Variants in FAM53A observed in about 807,000 individuals in gnomAD.
FAM53A encodes the protein protein FAM53A.
FAM53A carries 28 observed loss-of-function variants against 26.6 expected under a neutral mutation model. The ratio of observed to expected loss-of-function variants is 1.05; its 90% CI spans 0.78 to 1.45. The LOEUF is 1.45. Among genes scored for constraint, FAM53A ranks in the 40% most tolerant of loss-of-function variants. The probability of loss-of-function intolerance (pLI) is 0.00; values close to 1 mark genes in which losing one functional copy is unlikely to be tolerated. For missense variants in FAM53A, 650 were observed against 575.8 expected (o/e 1.13, Z -1.32); for synonymous variants, 290 against 253.1 (o/e 1.15, Z -1.38).
the FAM53A span, chr4:1,574,555 G>C: frequency 1.3e-5 from 2 of 152,406 alleles, no homozygotes; most frequent in Non-Finnish European, 2.9e-5. Context: ...CTGTGAGGAA[G>C]ATTGGAAGAC....
At chr4:1,631,643 G>A (rs1368817729) in intron 1 of FAM53A, among the ~76,000 whole-genome samples, 1 of 152,076 alleles carries the variant, frequency 6.6e-6, no homozygotes, top group African/African-American at 2.4e-5. Context: ...TGGGGAGACT[G>A]AGGCACCCTA....
the FAM53A span, among the ~76,000 whole-genome samples, chr4:1,609,194 T>A: frequency 6.6e-6 from 1 of 152,024 alleles, no homozygotes; most frequent in South Asian, 2.1e-4. Flanking sequence ...CAGGGCTGTC[T>A]CTGCTGCCTG....
intron 2 of FAM53A, among the ~76,000 whole-genome samples, chr4:1,667,267 C>T (rs28478377): frequency 6.6e-6 from 1 of 151,874 alleles, no homozygotes; most frequent in African/African-American, 2.4e-5. Context: ...CCACTACACT[C>T]CAGCATGGAT....
intron 1 of FAM53A, among the ~76,000 whole-genome samples, chr4:1,628,974 G>A (rs1020152042): frequency 6.6e-6 from 1 of 151,822 alleles, no homozygotes; most frequent in African/African-American, 2.4e-5. Context: ...GGCCCTGTGT[G>A]CCTTAAATCC....
chr4:1,625,635 G>C (rs1463865440), intron 1 of FAM53A, among the ~76,000 whole-genome samples: 1 of 117,776 alleles, frequency 8.5e-6, no homozygotes, highest in East Asian at 2.1e-4. Flanking sequence ...GTCACGCCAG[G>C]TGATCAGAAG....
chr4:1,666,230 T>G (rs113701882), intron 2 of FAM53A, among the ~76,000 whole-genome samples: 1 of 123,466 alleles, frequency 8.1e-6, no homozygotes, highest in Non-Finnish European at 1.6e-5. Flanking sequence ...ACCCCCTGTA[T>G]CTAAAATAAA....
intron 1 of FAM53A, among the ~76,000 whole-genome samples, chr4:1,625,823 C>T (rs1391267387): frequency 6.6e-6 from 1 of 152,086 alleles, no homozygotes; most frequent in African/African-American, 2.4e-5. Flanking sequence ...TGGTCAGGGT[C>T]ACGCCAAGTG....
rs771595305 is a variant in FAM53A at position 1,630,676 on chromosome 4, C to T, written c.432-12565G>A. Among the ~76,000 whole-genome samples, 13 of 152,130 alleles carry T rather than the reference C, an allele frequency of 8.5e-5. No individual in the cohort carries two copies. The highest frequency in any genetic ancestry group is 2.9e-5 in the Non-Finnish European group (2 of 68,018). ...TCGTGGAAGCCAGACAGAAAAGGCC[C>T]GCACAGCATGATCCCACGTCTACGA... On this transcript the variant is annotated intron_variant, in intron 1 of 1. Coordinates refer to the FAM53A transcript ENST00000489029. The surrounding 1 kb of genome is among the most constrained non-coding windows in gnomAD (Gnocchi z 4.3).
downstream of FAM53A, among the ~76,000 whole-genome samples, chr4:1,615,506 CGG>C (rs1714781869): frequency 7.0e-6 from 1 of 141,964 alleles, no homozygotes; most frequent in Non-Finnish European, 1.5e-5. Flanking sequence ...TGGGCACGCA[CGG>C]AAGACAGGAT....
At chr4:1,605,679 C>G in the FAM53A span, among the ~76,000 whole-genome samples, 2,792 of 152,268 alleles carry the variant, frequency 0.018, 46 homozygotes, top group Non-Finnish European at 0.026. The surrounding 1 kb of genome is among the most constrained non-coding windows in gnomAD (Gnocchi z 5.7). Flanking sequence ...GCCGACCCTG[C>G]AGGGTGAGCT....
At chr4:1,634,388 C>T (rs991378280) in intron 1 of FAM53A, among the ~76,000 whole-genome samples, 1 of 152,132 alleles carries the variant, frequency 6.6e-6, no homozygotes, top group Non-Finnish European at 1.5e-5. Flanking sequence ...GGGGCAGAGT[C>T]AGCCCTGAGG....
the FAM53A span, among the ~76,000 whole-genome samples, chr4:1,595,280 C>T: frequency 2.1e-4 from 32 of 152,364 alleles, no homozygotes; most frequent in Middle Eastern, 3.4e-3. Flanking sequence ...AGGAGCCCCA[C>T]CGGCTCCTCT....
chr4:1,605,671 C>T, the FAM53A span, among the ~76,000 whole-genome samples: 4 of 152,274 alleles, frequency 2.6e-5, 1 homozygote, highest in East Asian at 3.9e-4. This position sits in a 1 kb window ranked among gnomAD's most constrained non-coding sequence, Gnocchi z 5.7. Flanking sequence ...GGCTCCCTGC[C>T]GACCCTGCAG....
intron 1 of FAM53A, among the ~76,000 whole-genome samples, chr4:1,672,377 C>T (rs1031179591): frequency 1.3e-5 from 2 of 151,166 alleles, no homozygotes; most frequent in African/African-American, 4.9e-5. Flanking sequence ...CCCACGAACC[C>T]ACGAACCCAG....
intron 1 of FAM53A, among the ~76,000 whole-genome samples, chr4:1,624,460 T>A (rs1374544485): frequency 3.3e-5 from 5 of 151,980 alleles, no homozygotes; most frequent in Non-Finnish European, 7.4e-5. Flanking sequence ...TGACGGGTCA[T>A]CCAGGAGTGA....
chr4:1,631,247 C>A (rs1399789652), intron 1 of FAM53A, among the ~76,000 whole-genome samples: 2 of 152,288 alleles, frequency 1.3e-5, no homozygotes, highest in East Asian at 3.9e-4. Context: ...CAGCCTTTTG[C>A]CCCGGGAGCT....
At position 1,673,326 on chromosome 4, in the gene FAM53A, G is replaced by T. The variant is rs545387045; in HGVS notation, c.-164-4421C>A. On this transcript the variant is annotated intron_variant, in intron 1 of 4. Coordinates refer to ENST00000308132, the MANE Select transcript of FAM53A (RefSeq NM_001174070.3). ...CCACACTGATGCCACACTCCTGGCT[G>T]TGACTACTGCCTGTGGTCACGTGTG... Among the ~76,000 whole-genome samples, 6 of 152,350 alleles carry T rather than the reference G, an allele frequency of 3.9e-5. No individual in the cohort carries two copies. In the South Asian group the frequency reaches 8.3e-4, roughly 21 times the overall value.
In FAM53A at chr4:1,630,596, C is replaced by G. The variant is rs932365403; in HGVS notation, c.432-12485G>C. ...CACACCTGAGGCAGGCTCAGCAATT[C>G]CCCTCAGCCTCACCGCCACTCCCAA... On this transcript the variant is annotated intron_variant, in intron 1 of 1. Coordinates refer to the FAM53A transcript ENST00000489029. The surrounding 1 kb of genome is among the most constrained non-coding windows in gnomAD (Gnocchi z 4.3). Among the ~76,000 whole-genome samples the G allele has an allele frequency of 3.9e-5, 6 of 152,138 alleles. No individual in the cohort carries two copies. The highest frequency in any genetic ancestry group is 7.4e-5 in the Non-Finnish European group (5 of 68,016).
intron 3 of FAM53A, among the ~76,000 whole-genome samples, chr4:1,657,014 CAGTG>C (rs1264536804): frequency 6.6e-6 from 1 of 152,216 alleles, no homozygotes; most frequent in Non-Finnish European, 1.5e-5. Context: ...ACTGCACGGA[CAGTG>C]GGTGGGCCGC....
Sources: allele counts gnomAD v4.1 joint callset (sites outside exome capture counted in the v4.1 genomes callset), GRCh38; gene constraint gnomAD v4.1.1; non-coding constraint Gnocchi (gnomAD v3.1); transcripts MANE v1.5; gene names NCBI Gene and HGNC (gene_info 2026-07-23, HGNC 2026-07-21).